STAB2: variants seen among roughly 807,000 people sequenced by gnomAD.
The protein encoded by STAB2 is stabilin 2, also known as stabilin-2.
A neutral mutation model predicts 338.1 loss-of-function variants in STAB2; 288 were observed. The ratio of observed to expected loss-of-function variants is 0.85; its 90% CI spans 0.77 to 0.94. The LOEUF is 0.94. Among genes scored for constraint, STAB2 ranks in the 40% least tolerant of loss-of-function variants. The probability of loss-of-function intolerance (pLI) is 0.00; values close to 1 mark genes in which losing one functional copy is unlikely to be tolerated. For missense variants in STAB2, 3,141 were observed against 3,210.1 expected, an observed-to-expected ratio of 0.98 and a Z score of 0.52; for synonymous variants, 1,202 against 1,193.3, an observed-to-expected ratio of 1.01 and a Z score of -0.15.
At chr12:103,700,212 T>C (rs888839324) in intron 34 of STAB2, among the ~76,000 whole-genome samples, 1 of 152,146 alleles carries the variant, frequency 6.6e-6, no homozygotes, top group African/African-American at 2.4e-5. Flanking sequence ...ATTTCAAATA[T>C]CAAGTAAAAA....
chr12:103,701,056 A>G (rs1479621311), intron 34 of STAB2, among the ~76,000 whole-genome samples: 2 of 141,648 alleles, frequency 1.4e-5, no homozygotes, highest in African/African-American at 2.6e-5. Context: ...TCCTGTGTCC[A>G]TGTGTTCTCA....
intron 55 of STAB2, among the ~76,000 whole-genome samples, chr12:103,741,926 T>C (rs535395021): frequency 6.6e-6 from 1 of 152,320 alleles, no homozygotes; most frequent in South Asian, 2.1e-4. Flanking sequence ...ACCACCCAGC[T>C]CCACCCTCCA....
Position 103,699,091 on chromosome 12 carries a change from T to C in STAB2, c.3583-5T>C. On this transcript the variant is annotated splice_polypyrimidine_tract_variant and splice_region_variant and intron_variant, in intron 33 of 68. Transcript: ENST00000388887. ...GACTGACTTCCAATTCTGTGTGTGA[T>C]CCAGGAGGAGGACGTCCTCCGGTAT... 6.2e-7 allele frequency: 1 copy of C among 1,607,242 alleles called. No homozygotes were observed. The highest frequency in any genetic ancestry group is 1.1e-5 in the South Asian group (1 of 90,694).
chr12:103,616,990 C>T (rs1169615145), intron 3 of STAB2, among the ~76,000 whole-genome samples: 1 of 152,206 alleles, frequency 6.6e-6, no homozygotes, highest in African/African-American at 2.4e-5. Flanking sequence ...CCTCCTGCTG[C>T]TCATCCTTAG....
At chr12:103,605,074 T>C (rs577826158) in intron 3 of STAB2, among the ~76,000 whole-genome samples, 3 of 152,074 alleles carry the variant, frequency 2.0e-5, no homozygotes, top group East Asian at 3.9e-4. Context: ...TAATTTTTAA[T>C]TTCCATCTTG....
chr12:103,699,273 C>T (rs1277140873), intron 34 of STAB2, 46 bp downstream of exon 34: 1 of 1,577,628 alleles, frequency 6.3e-7, no homozygotes, highest in Non-Finnish European at 8.6e-7. Flanking sequence ...CCGAGAATTA[C>T]ATCAGGGAGA....
chr12:103,734,941 G>T (rs939597639), intron 51 of STAB2, among the ~76,000 whole-genome samples: 1 of 152,252 alleles, frequency 6.6e-6, no homozygotes, highest in Non-Finnish European at 1.5e-5. Flanking sequence ...GTCTCTCCCT[G>T]TGTGTTTCTG....
At chr12:103,709,121 G>A (rs928491871) in intron 39 of STAB2, among the ~76,000 whole-genome samples, 9 of 152,178 alleles carry the variant, frequency 5.9e-5, no homozygotes, top group South Asian at 2.1e-4. Flanking sequence ...AATAGTGTCT[G>A]AGAGGCCCAT....
At chr12:103,734,064 A>G (rs1185534664) in intron 51 of STAB2, among the ~76,000 whole-genome samples, 1 of 151,676 alleles carries the variant, frequency 6.6e-6, no homozygotes, top group East Asian at 1.9e-4. Flanking sequence ...GCACGATCAT[A>G]TGGGAGCAAG....
Position 103,618,278 on chromosome 12 carries a change from G to A in STAB2, c.332-2190G>A, listed in dbSNP as rs973446737. ...TAGTGCCCTCATAAAAGAGACCCCAGAGAGCTCCCTCACCCCTTCCACCAA... is the reference window on the plus strand; with the variant it reads ...TAGTGCCCTCATAAAAGAGACCCCAAAGAGCTCCCTCACCCCTTCCACCAA... On this transcript the variant is annotated intron_variant, in intron 3 of 68. Coordinates refer to ENST00000388887, the MANE Select transcript of STAB2 (RefSeq NM_017564.10). Among the ~76,000 whole-genome samples the A allele has an allele frequency of 6.6e-5, 10 of 152,284 alleles. 1 individual carries two copies. Among genetic ancestry groups the A allele is most frequent in the Admixed American group, 3.3e-4 (5 of 15,296 alleles).
At chr12:103,631,837 G>T (rs566123880) in intron 6 of STAB2, 144 bp downstream of exon 6, 1 of 694,866 alleles carries the variant, frequency 1.4e-6, no homozygotes, top group South Asian at 1.9e-5. Context: ...ATTAAAAAGA[G>T]AATATAGAAG....
chr12:103,639,913 A>G lies in STAB2; in HGVS notation c.907-210A>G, dbSNP rs577527326. Reference sequence around the variant, plus strand: ...AACAAGAAAATTGAAGCTAAACTTTATAAGCAAGGAGTATAAGCTTTCCAG... The same window carrying G: ...AACAAGAAAATTGAAGCTAAACTTTGTAAGCAAGGAGTATAAGCTTTCCAG... On this transcript the variant is annotated intron_variant, in intron 8 of 68. Coordinates refer to ENST00000388887, the MANE Select transcript of STAB2 (RefSeq NM_017564.10). Among the ~76,000 whole-genome samples the G allele has an allele frequency of 2.8e-4, 43 of 152,316 alleles. 1 individual carries two copies. The South Asian group carries it at 8.5e-3, about 30-fold the overall frequency.
At chr12:103,607,516 C>T (rs544700489) in intron 3 of STAB2, among the ~76,000 whole-genome samples, 223 of 152,020 alleles carry the variant, frequency 1.5e-3, no homozygotes, top group African/African-American at 5.2e-3. Flanking sequence ...AGGTATATCT[C>T]CTAATGCTAT....
At chr12:103,649,191 G>A (rs562064210) in intron 10 of STAB2, among the ~76,000 whole-genome samples, 3 of 152,284 alleles carry the variant, frequency 2.0e-5, no homozygotes, top group South Asian at 2.1e-4. Flanking sequence ...AAGCTTGGCA[G>A]GTAAAACTGG....
At chr12:103,762,464 T>G in intron 67 of STAB2, 62 bp downstream of exon 67, 1 of 1,609,882 alleles carries the variant, frequency 6.2e-7, no homozygotes, top group Non-Finnish European at 8.5e-7. Context: ...TCCCTGGACC[T>G]GGGCTGCTTC....
chr12:103,708,655 T>C (rs1198896727), intron 39 of STAB2, 119 bp downstream of exon 39: 1 of 939,906 alleles, frequency 1.1e-6, no homozygotes, highest in Non-Finnish European at 1.6e-6. Context: ...ATAAACATGA[T>C]TCTTTCTTGC....
chr12:103,637,138 G>A lies in STAB2; in HGVS notation c.611G>A (p.Cys204Tyr). The A allele has an allele frequency of 1.2e-6, 2 of 1,612,760 alleles. No individual in the cohort carries two copies. The highest frequency in any genetic ancestry group is 1.1e-5 in the South Asian group (1 of 90,748). Residue 204 changes from cysteine (C) to tyrosine (Y), a missense_variant, in exon 7 of 69, where the codon TGC (cysteine) becomes TAC (tyrosine). Cys to Tyr is a radical substitution (Grantham distance 194). Transcript: ENST00000388887. ...KPIPECAALL[C>Y]PENSRCSPST... Reference sequence around the variant, plus strand: ...ATCCCTGAATGTGCAGCCTTGCTCTGCCCAGAAAATTCCAGATGTTCGCCT... The same window carrying A: ...ATCCCTGAATGTGCAGCCTTGCTCTACCCAGAAAATTCCAGATGTTCGCCT...
intron 4 of STAB2, among the ~76,000 whole-genome samples, chr12:103,620,914 T>G (rs1957290772): frequency 6.6e-6 from 1 of 152,084 alleles, no homozygotes; most frequent in Non-Finnish European, 1.5e-5. Flanking sequence ...CTAGCCAGCA[T>G]GGTGAAACCC....
chr12:103,676,046 C>T, intron 24 of STAB2, 25 bp downstream of exon 24: 2 of 1,469,124 alleles, frequency 1.4e-6, no homozygotes, highest in Non-Finnish European at 1.9e-6. Flanking sequence ...TCATTTCCAC[C>T]CTGCCTGGTT....
Sources: allele counts gnomAD v4.1 joint callset (sites outside exome capture counted in the v4.1 genomes callset), GRCh38; gene constraint gnomAD v4.1.1; transcripts MANE v1.5; gene names NCBI Gene and HGNC (gene_info 2026-07-23, HGNC 2026-07-21).